GRM1: variants seen among roughly 807,000 people sequenced by gnomAD.
GRM1 encodes metabotropic glutamate receptor 1.
In GRM1, 33 loss-of-function variants were observed where a neutral mutation model predicts 90.9. The ratio of observed to expected loss-of-function variants is 0.36; its 90% CI spans 0.28 to 0.49. The LOEUF (loss-of-function observed/expected upper bound fraction) is 0.49, where lower values mean the gene tolerates loss of function less well. Ranked by LOEUF, GRM1 falls within the 20% of genes least tolerant of loss-of-function variation. GRM1 has a pLI of 0.99. For synonymous variants in GRM1, 700 were observed against 613.2 expected, an observed-to-expected ratio of 1.14 and a Z score of -2.09; for missense variants, 1,190 against 1,534.3, an observed-to-expected ratio of 0.78 and a Z score of 3.75.
chr6:146,274,895 T>C (rs1400095450), intron 2 of GRM1, among the ~76,000 whole-genome samples: 1 of 152,144 alleles, frequency 6.6e-6, no homozygotes, highest in Non-Finnish European at 1.5e-5. Context: ...CCGGGCTTGA[T>C]GGTGGGCACC....
At chr6:146,342,591 T>G (rs1235693553) in intron 3 of GRM1, among the ~76,000 whole-genome samples, 1 of 152,196 alleles carries the variant, frequency 6.6e-6, no homozygotes, top group Non-Finnish European at 1.5e-5. Context: ...TTTGACCCAC[T>G]AGTCTTTAGA....
chr6:146,425,188 T>A (rs542608270), intron 7 of GRM1, among the ~76,000 whole-genome samples: 1 of 151,440 alleles, frequency 6.6e-6, no homozygotes, highest in African/African-American at 2.5e-5. Context: ...ATGGATTAAC[T>A]TTGTTTTTTC....
intron 3 of GRM1, among the ~76,000 whole-genome samples, chr6:146,329,837 C>T (rs901978037): frequency 3.3e-5 from 5 of 152,104 alleles, no homozygotes; most frequent in African/African-American, 1.2e-4. Flanking sequence ...GAATAAAGTG[C>T]TGAATATTTC....
chr6:146,310,612 C>A (rs1221777728), intron 3 of GRM1, among the ~76,000 whole-genome samples: 2 of 152,144 alleles, frequency 1.3e-5, no homozygotes, highest in Admixed American at 1.3e-4. Flanking sequence ...TGTTCCCTAC[C>A]TGTTGAATCT....
intron 1 of GRM1, among the ~76,000 whole-genome samples, chr6:146,123,383 G>A (rs1039403136): frequency 6.6e-6 from 1 of 152,098 alleles, no homozygotes; most frequent in African/African-American, 2.4e-5. Context: ...TGCATGTTTG[G>A]ACCAGGCAAA....
intron 3 of GRM1, among the ~76,000 whole-genome samples, chr6:146,343,944 G>A (rs958011746): frequency 6.6e-6 from 1 of 152,122 alleles, no homozygotes; most frequent in Non-Finnish European, 1.5e-5. Context: ...CATTGGGTGT[G>A]CTTACTGCTA....
chr6:146,361,882 A>G (rs1180915384), intron 5 of GRM1, among the ~76,000 whole-genome samples: 1 of 152,218 alleles, frequency 6.6e-6, no homozygotes, highest in Non-Finnish European at 1.5e-5. Context: ...TTTTTTCAAT[A>G]GCTCACAATA....
At chr6:146,072,433 T>C (rs948121824) in intron 1 of GRM1, among the ~76,000 whole-genome samples, 1 of 152,170 alleles carries the variant, frequency 6.6e-6, no homozygotes, top group Non-Finnish European at 1.5e-5. Context: ...GATTGATGTA[T>C]AAAGAAGAAC....
intron 1 of GRM1, among the ~76,000 whole-genome samples, chr6:146,123,173 A>T (rs1410966983): frequency 1.3e-5 from 2 of 151,946 alleles, no homozygotes; most frequent in Non-Finnish European, 2.9e-5. Flanking sequence ...TTGTTTCCTC[A>T]GATATTAGCT....
intron 2 of GRM1, among the ~76,000 whole-genome samples, chr6:146,239,289 C>T (rs143463471): frequency 1.9e-4 from 29 of 152,216 alleles, no homozygotes; most frequent in African/African-American, 4.3e-4. Context: ...AATGTATCTA[C>T]GAAGTCTTTG....
rs150155474 is a variant in GRM1 at position 146,433,907 on chromosome 6, G to A, written c.2696G>A (p.Gly899Asp). The A allele has an allele frequency of 3.7e-5, 60 of 1,613,846 alleles. No homozygotes were observed. The African/African-American group carries it at 7.2e-4, about 19-fold the overall frequency. ...AAGTCTGTGTCATGGTCTGAACCAGGTGGAGGACAGGTGCCCAAGGGACAG... is the reference window on the plus strand; with the variant it reads ...AAGTCTGTGTCATGGTCTGAACCAGATGGAGGACAGGTGCCCAAGGGACAG... ...NGKSVSWSEP[G>D]GGQVPKGQHM... Residue 899 changes from glycine (G) to aspartate (D), a missense_variant, in exon 8 of 8, where the codon GGT becomes GAT. Around this residue, in one of 10 missense-constraint regions of GRM1, gnomAD observed 400 missense variants for 360.8 expected, o/e 1.11. Coordinates refer to ENST00000282753, the MANE Select transcript of GRM1 (RefSeq NM_001278064.2).
intron 2 of GRM1, among the ~76,000 whole-genome samples, chr6:146,264,807 G>A (rs141486044): frequency 6.7e-4 from 102 of 152,080 alleles, no homozygotes; most frequent in East Asian, 4.1e-3. Context: ...CTGTTTCTTC[G>A]TTATTTCACT....
chr6:146,325,001 G>A (rs532109863), intron 3 of GRM1, among the ~76,000 whole-genome samples: 2 of 152,266 alleles, frequency 1.3e-5, no homozygotes, highest in African/African-American at 4.8e-5. Flanking sequence ...CAAGACTCCA[G>A]TAAATTAATT....
intron 3 of GRM1, among the ~76,000 whole-genome samples, chr6:146,348,632 A>G (rs1785265065): frequency 6.6e-6 from 1 of 152,246 alleles, no homozygotes. Context: ...CCCCAGGAGC[A>G]TGTATCTAGC....
At chr6:146,079,415 G>T (rs1776290334) in intron 1 of GRM1, among the ~76,000 whole-genome samples, 1 of 152,150 alleles carries the variant, frequency 6.6e-6, no homozygotes, top group South Asian at 2.1e-4. Flanking sequence ...GGGGTACTCT[G>T]CCAAAGAAGG....
intron 2 of GRM1, among the ~76,000 whole-genome samples, chr6:146,160,657 A>G (rs1193294388): frequency 6.6e-6 from 1 of 152,152 alleles, no homozygotes; most frequent in African/African-American, 2.4e-5. Context: ...GGACATGCTC[A>G]CTGGACCTTT....
chr6:146,356,896 A>G (rs916760493), intron 4 of GRM1, among the ~76,000 whole-genome samples: 1 of 152,166 alleles, frequency 6.6e-6, no homozygotes, highest in Non-Finnish European at 1.5e-5. Flanking sequence ...AGGTTTTGCC[A>G]TTGTGTAGTG....
intron 3 of GRM1, among the ~76,000 whole-genome samples, chr6:146,313,548 C>T (rs1451863531): frequency 2.6e-5 from 4 of 152,098 alleles, no homozygotes; most frequent in Admixed American, 2.6e-4. Flanking sequence ...TTGTATTTCA[C>T]GCCTTGTATA....
chr6:146,280,031 A>G (rs1251462293), intron 2 of GRM1, among the ~76,000 whole-genome samples: 1 of 151,902 alleles, frequency 6.6e-6, no homozygotes, highest in East Asian at 1.9e-4. Flanking sequence ...GTGTGGGTTG[A>G]TTTCTTTTGG....
Sources: allele counts gnomAD v4.1 joint callset (sites outside exome capture counted in the v4.1 genomes callset), GRCh38; gene constraint gnomAD v4.1.1; regional missense constraint gnomAD v4.1.1; transcripts MANE v1.5; gene names NCBI Gene and HGNC (gene_info 2026-07-23, HGNC 2026-07-21).